Variants in DEFB106B observed in about 807,000 individuals in gnomAD.
DEFB106B encodes beta-defensin 106.
At chr8:7,484,568 T>C (rs1192806091) in intron 1 of DEFB106B, among the ~76,000 whole-genome samples, 4 of 138,704 alleles carry the variant, frequency 2.9e-5, no homozygotes, top group African/African-American at 1.1e-4. Context: ...CTAGTAATAA[T>C]ATACTAGTAT....
At chr8:7,484,397 G>C (rs1215428294) in intron 1 of DEFB106B, among the ~76,000 whole-genome samples, 1 of 147,646 alleles carries the variant, frequency 6.8e-6, no homozygotes, top group East Asian at 2.0e-4. Context: ...CTATATACTT[G>C]TGTATTATAC....
At chr8:7,483,443 T>C in intron 1 of DEFB106B, among the ~76,000 whole-genome samples, 1 of 105,240 alleles carries the variant, frequency 9.5e-6, no homozygotes, top group Non-Finnish European at 1.9e-5. Flanking sequence ...ACAGCACGTC[T>C]TATCAGGATC....
rs1401611132 is a variant in DEFB106B at position 7,484,279 on chromosome 8, A to G, written c.50-1527T>C. ...TTATACTAGTATAATACACTATACT[A>G]TATGCTAGAGTATTATACTAGTATA... On this transcript the variant is annotated intron_variant, in intron 1 of 1. Transcript: ENST00000335479. Among the ~76,000 whole-genome samples the G allele has an allele frequency of 3.1e-4, 43 of 140,250 alleles. 1 individual carries two copies. The highest frequency in any genetic ancestry group is 1.5e-3 in the Admixed American group (21 of 13,766). The allele number at this position is 140,250 out of a possible 152,430, so 92.0% of individuals were successfully genotyped here.
At position 7,486,375 on chromosome 8, in the gene DEFB106B, G is replaced by GACCC; in HGVS notation, c.7_8insGGGT (p.Thr3ArgfsTer22). 1 of 1,546,208 alleles carries GACCC rather than the reference G, an allele frequency of 6.5e-7. No individual in the cohort carries two copies. The highest frequency in any genetic ancestry group is 8.9e-7 in the Non-Finnish European group (1 of 1,129,240). On this transcript the variant is annotated frameshift_variant, in exon 1 of 2. Coordinates refer to ENST00000335479, the MANE Select transcript of DEFB106B (RefSeq NM_001040704.2). LOFTEE classifies it high-confidence loss of function. Reference sequence around the variant, plus strand: ...GAGCACGGCAAAGAGAAAGAGGAAAGTCCTCATGACTGGGTGGGTCTTGAG... The same window carrying GACCC: ...GAGCACGGCAAAGAGAAAGAGGAAAGACCCTCCTCATGACTGGGTGGGTCTTGAG...
chr8:7,484,871 C>CAAAA (rs71537817), intron 1 of DEFB106B, among the ~76,000 whole-genome samples: 1 of 32,602 alleles, frequency 3.1e-5, no homozygotes, highest in Non-Finnish European at 6.0e-5. Flanking sequence ...GACTCTATCT[C>CAAAA]AAAAAAAAAA....
intron 1 of DEFB106B, among the ~76,000 whole-genome samples, chr8:7,483,681 CA>C: frequency 1.0e-5 from 1 of 95,862 alleles, no homozygotes; most frequent in South Asian, 3.5e-4. Flanking sequence ...TCCACTATTT[CA>C]AAGCTCGATG....
At chr8:7,484,904 AT>A in intron 1 of DEFB106B, among the ~76,000 whole-genome samples, 1 of 98,582 alleles carries the variant, frequency 1.0e-5, no homozygotes, top group African/African-American at 3.9e-5. Context: ...ATATATATAT[AT>A]AAAATATATA....
chr8:7,486,174 C>T (rs1391711607), intron 1 of DEFB106B, among the ~76,000 whole-genome samples, 160 bp downstream of exon 1: 3 of 151,974 alleles, frequency 2.0e-5, no homozygotes, highest in African/African-American at 4.9e-5. Flanking sequence ...ACAGCCCCTC[C>T]TAGATAACAA....
intron 1 of DEFB106B, among the ~76,000 whole-genome samples, chr8:7,484,046 GTAA>G (rs1347454062): frequency 9.3e-5 from 12 of 129,164 alleles, no homozygotes; most frequent in Non-Finnish European, 1.8e-4. Flanking sequence ...AATACTACTA[GTAA>G]TAATATAGTA....
intron 1 of DEFB106B, 50 bp from the exon 2 acceptor site, chr8:7,482,802 T>C (rs1179893656): frequency 2.9e-6 from 4 of 1,373,770 alleles, no homozygotes; most frequent in Middle Eastern, 1.9e-4. Flanking sequence ...CAGACATGTA[T>C]GTTTACCAGA....
At chr8:7,485,001 C>T (rs1372635512) in intron 1 of DEFB106B, among the ~76,000 whole-genome samples, 2 of 68,474 alleles carry the variant, frequency 2.9e-5, no homozygotes, top group Non-Finnish European at 5.4e-5. Flanking sequence ...CTATGCTATA[C>T]TATAATACTA....
intron 1 of DEFB106B, among the ~76,000 whole-genome samples, chr8:7,484,824 A>T (rs1413225854): frequency 1.0e-4 from 10 of 95,960 alleles, no homozygotes; most frequent in African/African-American, 4.2e-4. Flanking sequence ...GTGAGCTGAG[A>T]TTGTGAAACT....
chr8:7,484,146 T>A (rs1327180567), intron 1 of DEFB106B, among the ~76,000 whole-genome samples: 32 of 139,280 alleles, frequency 2.3e-4, no homozygotes, highest in African/African-American at 8.1e-4. Context: ...TAGAGTATTA[T>A]AATAGTATAT....
intron 1 of DEFB106B, among the ~76,000 whole-genome samples, chr8:7,485,725 AG>A (rs1333426277): frequency 7.6e-6 from 1 of 130,954 alleles, no homozygotes; most frequent in African/African-American, 3.0e-5. Flanking sequence ...AGCCCATCTG[AG>A]GCACAATTTC....
chr8:7,484,241 A>G (rs1415941801), intron 1 of DEFB106B, among the ~76,000 whole-genome samples: 3 of 133,624 alleles, frequency 2.2e-5, no homozygotes, highest in African/African-American at 8.7e-5. Flanking sequence ...ACACTATACT[A>G]TATACTAGTG....
At chr8:7,484,115 AC>A (rs1490538902) in intron 1 of DEFB106B, among the ~76,000 whole-genome samples, 1 of 137,738 alleles carries the variant, frequency 7.3e-6, no homozygotes, top group Non-Finnish European at 1.5e-5. Flanking sequence ...AGAGTATTAT[AC>A]TAGTATATAT....
At position 7,482,764 on chromosome 8, in the gene DEFB106B, A is replaced by C; in HGVS notation, c.50-12T>G. On this transcript the variant is annotated splice_polypyrimidine_tract_variant and intron_variant, in intron 1 of 1. Transcript: ENST00000335479. Reference sequence around the variant, plus strand: ...AAATGCATTCTTGGCTACACGAGGGAAGGAGCCATTTGGATTAATTCCCTT... The same window carrying C: ...AAATGCATTCTTGGCTACACGAGGGCAGGAGCCATTTGGATTAATTCCCTT... 7.1e-7 allele frequency: 1 copy of C among 1,412,284 alleles called. No individual in the cohort carries two copies. The highest frequency in any genetic ancestry group is 9.6e-7 in the Non-Finnish European group (1 of 1,046,078). The allele number at this position is 1,412,284 out of a possible 1,614,324, so 87.5% of individuals were successfully genotyped here. A position where few individuals can be genotyped will look rare whatever the true frequency, so the allele number is the denominator to read the frequency against.
At chr8:7,484,955 C>G (rs1811440587) in intron 1 of DEFB106B, among the ~76,000 whole-genome samples, 3 of 83,470 alleles carry the variant, frequency 3.6e-5, no homozygotes, top group African/African-American at 1.5e-4. Context: ...TAGTACAATA[C>G]CATACTGTAA....
chr8:7,484,231 A>G (rs1811394261), intron 1 of DEFB106B, among the ~76,000 whole-genome samples: 1 of 135,378 alleles, frequency 7.4e-6, no homozygotes. Flanking sequence ...ACTAGTATAT[A>G]CACTATACTA....
Sources: allele counts gnomAD v4.1 joint callset (sites outside exome capture counted in the v4.1 genomes callset), GRCh38; gene constraint gnomAD v4.1.1; transcripts MANE v1.5; gene names NCBI Gene and HGNC (gene_info 2026-07-23, HGNC 2026-07-21).